Variants in DYNC1I1 observed in about 807,000 individuals in gnomAD.
The protein encoded by DYNC1I1 is dynein cytoplasmic 1 intermediate chain 1.
A neutral mutation model predicts 86.6 loss-of-function variants in DYNC1I1; 43 were observed. The ratio of observed to expected loss-of-function variants is 0.50; its 90% CI spans 0.39 to 0.64. DYNC1I1 has a LOEUF of 0.64. DYNC1I1 is among the 30% of genes least tolerant of loss of function. The pLI, the probability that DYNC1I1 is intolerant of heterozygous loss-of-function variation, is 0.00. For synonymous variants in DYNC1I1, 262 were observed against 283.7 expected (o/e 0.92, Z 0.77); for missense variants, 604 against 788.8 (o/e 0.77, Z 2.81).
At chr7:95,804,650 A>C in intron 1 of DYNC1I1, 71 bp from the exon 2 acceptor site, 1 of 1,421,144 alleles carries the variant, frequency 7.0e-7, no homozygotes, top group Non-Finnish European at 9.3e-7. Flanking sequence ...TTTTCTTTAA[A>C]ATGATTTTTG....
chr7:95,844,153 A>G lies in DYNC1I1; in HGVS notation c.374+16037A>G, dbSNP rs773640542. On this transcript the variant is annotated intron_variant, in intron 5 of 16. Coordinates refer to ENST00000447467, the MANE Select transcript of DYNC1I1 (RefSeq NM_001135556.2). Reference sequence around the variant, plus strand: ...AACTTTATATAGATAACAATGAGCAATGAGGGTATTTTGTGGCCCTTCACT... The same window carrying G: ...AACTTTATATAGATAACAATGAGCAGTGAGGGTATTTTGTGGCCCTTCACT... Among the ~76,000 whole-genome samples, 12 of 152,220 alleles carry G rather than the reference A, an allele frequency of 7.9e-5. No homozygotes were observed. The East Asian group carries it at 1.5e-3, about 20-fold the overall frequency.
intron 2 of DYNC1I1, among the ~76,000 whole-genome samples, 191 bp from the exon 3 acceptor site, chr7:95,810,201 G>C (rs1424848161): frequency 6.6e-6 from 1 of 152,126 alleles, no homozygotes; most frequent in African/African-American, 2.4e-5. Flanking sequence ...TCAGCCAAAA[G>C]AGAAAGTACT....
chr7:95,835,652 G>C (rs1011428250), intron 5 of DYNC1I1, among the ~76,000 whole-genome samples: 5 of 152,082 alleles, frequency 3.3e-5, no homozygotes, highest in Non-Finnish European at 7.3e-5. Context: ...GAATCTGGGT[G>C]CTCCTGTATT....
At position 95,958,206 on chromosome 7, in the gene DYNC1I1, C is replaced by G. The variant is rs867908033; in HGVS notation, c.491-19306C>G. Among the ~76,000 whole-genome samples the G allele has an allele frequency of 4.6e-5, 7 of 152,248 alleles. No homozygotes were observed. In the South Asian group the frequency reaches 8.3e-4, roughly 18 times the overall value. ...ACCATAGAAAGACTCTCAAAGGATT[C>G]TAGATGTGCCATTATTTCTCAGAAA... is the stretch of plus-strand genomic sequence containing the variant. On this transcript the variant is annotated intron_variant, in intron 6 of 16. Coordinates refer to ENST00000447467, the MANE Select transcript of DYNC1I1 (RefSeq NM_001135556.2).
chr7:96,065,180 T>A (rs1426772089), intron 14 of DYNC1I1, among the ~76,000 whole-genome samples: 1 of 152,086 alleles, frequency 6.6e-6, no homozygotes, highest in Non-Finnish European at 1.5e-5. Context: ...AATTCCTAAT[T>A]GCTACATTCA....
downstream of DYNC1I1, among the ~76,000 whole-genome samples, chr7:96,098,800 A>G (rs1439871425): frequency 6.6e-6 from 1 of 152,220 alleles, no homozygotes; most frequent in East Asian, 1.9e-4. Flanking sequence ...AACAACTTCA[A>G]TAAACTTTTT....
intron 10 of DYNC1I1, among the ~76,000 whole-genome samples, chr7:96,014,434 G>A (rs894192805): frequency 2.0e-5 from 3 of 152,124 alleles, no homozygotes; most frequent in Non-Finnish European, 4.4e-5. Flanking sequence ...CTACTTCCCA[G>A]CACACCGTGT....
At chr7:96,081,243 A>G (rs1790511443) in intron 16 of DYNC1I1, among the ~76,000 whole-genome samples, 2 of 152,068 alleles carry the variant, frequency 1.3e-5, no homozygotes, top group South Asian at 2.1e-4. Context: ...GTGGTATTCA[A>G]ATTTATCATA....
chr7:95,869,647 TAGGA>T (rs1790108710), intron 5 of DYNC1I1, among the ~76,000 whole-genome samples: 1 of 152,170 alleles, frequency 6.6e-6, no homozygotes, highest in Non-Finnish European at 1.5e-5. Context: ...ACTTTACAGA[TAGGA>T]AAGCTGAGGG....
At chr7:96,092,516 A>G (rs1353466456) in intron 16 of DYNC1I1, among the ~76,000 whole-genome samples, 1 of 152,206 alleles carries the variant, frequency 6.6e-6, no homozygotes, top group Non-Finnish European at 1.5e-5. Context: ...GTGAAGCAGA[A>G]AAAAAGTCAA....
intron 4 of DYNC1I1, among the ~76,000 whole-genome samples, chr7:95,815,522 A>G (rs1794927623): frequency 6.6e-6 from 1 of 152,150 alleles, no homozygotes; most frequent in Admixed American, 6.6e-5. Flanking sequence ...ATTCCACACA[A>G]ATTTATGTTT....
intron 6 of DYNC1I1, among the ~76,000 whole-genome samples, chr7:95,958,480 G>A (rs897432099): frequency 6.6e-6 from 1 of 151,982 alleles, no homozygotes; most frequent in African/African-American, 2.4e-5. Flanking sequence ...AGGATGGCTT[G>A]AGCCCAGGAG....
At chr7:95,919,273 A>G (rs114872567) in intron 6 of DYNC1I1, among the ~76,000 whole-genome samples, 70 of 152,294 alleles carry the variant, frequency 4.6e-4, no homozygotes, top group African/African-American at 1.6e-3. Context: ...TGCTGACCCT[A>G]TGTTACAGAC....
rs116691942 is a variant in DYNC1I1, at chr7:96,087,584, T to A, written c.1776+7096T>A. On this transcript the variant is annotated intron_variant, in intron 16 of 16. Coordinates refer to ENST00000447467, the MANE Select transcript of DYNC1I1 (RefSeq NM_001135556.2). ...TCTTTAGCTGATACCAAATACTTCC[T>A]TTGATTTTCTCTCCTTGAAAAAGAA... Among the ~76,000 whole-genome samples, 1,277 of 152,316 alleles carry A rather than the reference T, an allele frequency of 8.4e-3. 25 individuals are homozygous for A. Among genetic ancestry groups the A allele is most frequent in the African/African-American group, 0.029 (1,226 of 41,586 alleles).
intron 10 of DYNC1I1, among the ~76,000 whole-genome samples, chr7:96,023,237 C>T (rs1301712763): frequency 1.3e-5 from 2 of 152,120 alleles, no homozygotes; most frequent in East Asian, 1.9e-4. Context: ...ACAATACGAC[C>T]AGTCCCTCCC....
intron 5 of DYNC1I1, among the ~76,000 whole-genome samples, chr7:95,843,002 A>C (rs1220580838): frequency 4.6e-5 from 7 of 152,116 alleles, no homozygotes; most frequent in Non-Finnish European, 1.5e-5. Context: ...CTTGCTTTTA[A>C]GATTTTTTAG....
chr7:96,075,489 G>T (rs1294120273), intron 14 of DYNC1I1, among the ~76,000 whole-genome samples: 1 of 152,214 alleles, frequency 6.6e-6, no homozygotes, highest in East Asian at 1.9e-4. Context: ...TGGAAGAGCA[G>T]TAATCCTCTT....
chr7:95,832,812 G>A (rs1332111038), intron 5 of DYNC1I1, among the ~76,000 whole-genome samples: 1 of 152,098 alleles, frequency 6.6e-6, no homozygotes, highest in African/African-American at 2.4e-5. Context: ...TTTTTGATGG[G>A]ATTGTTTGTT....
intron 14 of DYNC1I1, among the ~76,000 whole-genome samples, chr7:96,066,304 A>G (rs1789984636): frequency 6.6e-6 from 1 of 152,198 alleles, no homozygotes; most frequent in South Asian, 2.1e-4. Context: ...AGATAATACC[A>G]TCCTTGACCA....
Sources: allele counts gnomAD v4.1 joint callset (sites outside exome capture counted in the v4.1 genomes callset), GRCh38; gene constraint gnomAD v4.1.1; transcripts MANE v1.5; gene names NCBI Gene and HGNC (gene_info 2026-07-23, HGNC 2026-07-21).